The following RNGTT variants were observed in gnomAD, a reference collection of about 807,000 sequenced individuals.
The protein encoded by RNGTT is mRNA-capping enzyme.
In RNGTT, 33 loss-of-function variants were observed where a neutral mutation model predicts 79.3. The observed-to-expected ratio is 0.42, with a 90% confidence interval of 0.32 to 0.56. The LOEUF is 0.56. Among genes scored for constraint, RNGTT ranks in the 20% least tolerant of loss-of-function variants. RNGTT has a pLI of 0.17. For synonymous variants in RNGTT, 222 were observed against 235.9 expected (o/e 0.94, Z 0.54); for missense variants, 497 against 739.1 (o/e 0.67, Z 3.80).
rs550144192 is a variant in RNGTT at position 88,910,598 on chromosome 6, A to G, written c.368-4158T>C. 7.9e-5 allele frequency among the ~76,000 whole-genome samples: 12 copies of G among 152,360 alleles called. No homozygotes were observed. The South Asian group carries it at 2.5e-3, about 32-fold the overall frequency. On this transcript the variant is annotated intron_variant, in intron 4 of 15. Transcript: ENST00000369485. Reference sequence around the variant, plus strand: ...GAATATAATCCACAAAAATGTCTCCAAAGTTGCTAGACAGGTCAACATGCT... The same window carrying G: ...GAATATAATCCACAAAAATGTCTCCGAAGTTGCTAGACAGGTCAACATGCT...
chr6:88,952,650 C>A (rs1261041002), intron 1 of RNGTT, among the ~76,000 whole-genome samples: 1 of 152,182 alleles, frequency 6.6e-6, no homozygotes, highest in Non-Finnish European at 1.5e-5. Flanking sequence ...ACTAGCATAA[C>A]CAGCATTTGA....
chr6:88,910,585 C>T (rs891077307), intron 4 of RNGTT, among the ~76,000 whole-genome samples: 1 of 152,132 alleles, frequency 6.6e-6, no homozygotes, highest in Admixed American at 6.6e-5. Flanking sequence ...ATATAATCCA[C>T]AAAAATGTCT....
chr6:88,907,216 C>T (rs747220406), intron 4 of RNGTT, among the ~76,000 whole-genome samples: 1 of 152,210 alleles, frequency 6.6e-6, no homozygotes, highest in Non-Finnish European at 1.5e-5. Flanking sequence ...TCTGTGTCCC[C>T]GTCCAAATCT....
At chr6:88,677,671 C>T (rs1377596088) in intron 14 of RNGTT, among the ~76,000 whole-genome samples, 2 of 151,954 alleles carry the variant, frequency 1.3e-5, no homozygotes, top group East Asian at 3.9e-4. Flanking sequence ...CTATGTTGCC[C>T]AGGCTAGTCT....
chr6:88,778,670 TA>T (rs1778969043), intron 12 of RNGTT, among the ~76,000 whole-genome samples: 1 of 152,132 alleles, frequency 6.6e-6, no homozygotes, highest in African/African-American at 2.4e-5. Context: ...CAGATTTTTA[TA>T]AATTATTTAA....
At chr6:88,941,289 A>G in intron 1 of RNGTT, 109 bp from the exon 2 acceptor site, 1 of 709,242 alleles carries the variant, frequency 1.4e-6, no homozygotes, top group Non-Finnish European at 2.4e-6. Flanking sequence ...TTTTTTTGAG[A>G]CCAAGTGTCG....
chr6:88,833,017 C>T (rs1357423540), intron 11 of RNGTT, among the ~76,000 whole-genome samples: 5 of 152,106 alleles, frequency 3.3e-5, no homozygotes, highest in Non-Finnish European at 7.3e-5. Context: ...GACAGTGTGG[C>T]GATTCCTCAA....
chr6:88,721,425 T>A (rs1776707142), intron 13 of RNGTT, among the ~76,000 whole-genome samples: 1 of 150,542 alleles, frequency 6.6e-6, no homozygotes, highest in Non-Finnish European at 1.5e-5. Context: ...TTTTGTTTGT[T>A]TTTGGTCTTC....
chr6:88,795,753 C>A (rs1779581508), intron 12 of RNGTT, among the ~76,000 whole-genome samples: 1 of 151,918 alleles, frequency 6.6e-6, no homozygotes, highest in South Asian at 2.1e-4. Flanking sequence ...ACTCAAAGCA[C>A]AATTTTAAAA....
chr6:88,624,140 A>C (rs887806125), intron 14 of RNGTT, among the ~76,000 whole-genome samples: 5 of 151,980 alleles, frequency 3.3e-5, no homozygotes, highest in African/African-American at 7.2e-5. Flanking sequence ...ATGGATTGAA[A>C]GATTCAATAT....
intron 13 of RNGTT, among the ~76,000 whole-genome samples, chr6:88,718,881 G>C (rs141389967): frequency 6.4e-4 from 98 of 152,220 alleles, no homozygotes; most frequent in African/African-American, 1.3e-3. Context: ...AAAACCAGAT[G>C]TTTAGTTGAT....
At chr6:88,669,550 C>T (rs569460197) in intron 14 of RNGTT, among the ~76,000 whole-genome samples, 14 of 152,342 alleles carry the variant, frequency 9.2e-5, no homozygotes, top group African/African-American at 3.4e-4. Flanking sequence ...ACAAGAAGAA[C>T]AGTCACCTGG....
At chr6:88,959,811 C>T (rs1304349419) in intron 1 of RNGTT, among the ~76,000 whole-genome samples, 1 of 152,052 alleles carries the variant, frequency 6.6e-6, no homozygotes. Context: ...ATTAGGATAC[C>T]TTATCACACC....
intron 14 of RNGTT, among the ~76,000 whole-genome samples, chr6:88,616,958 A>G (rs6919542): frequency 0.03 from 4,575 of 152,310 alleles, 232 homozygotes; most frequent in African/African-American, 0.1. Flanking sequence ...ACAAGAAATC[A>G]TTGCCTAATC....
chr6:88,726,520 C>T (rs916430816), intron 13 of RNGTT, among the ~76,000 whole-genome samples: 1 of 151,920 alleles, frequency 6.6e-6, no homozygotes, highest in Non-Finnish European at 1.5e-5. Context: ...GGTTTCCTAA[C>T]ATGGGATCTA....
intron 6 of RNGTT, among the ~76,000 whole-genome samples, chr6:88,895,318 T>A (rs1300932847): frequency 1.3e-5 from 2 of 151,788 alleles, no homozygotes; most frequent in African/African-American, 4.8e-5. Flanking sequence ...CATATTTTCA[T>A]AATGAGGAAA....
chr6:88,773,221 C>T (rs1562245463), intron 12 of RNGTT, among the ~76,000 whole-genome samples: 2 of 148,912 alleles, frequency 1.3e-5, no homozygotes, highest in African/African-American at 2.5e-5. Context: ...ATCGCAAGAA[C>T]AAAAAAACAA....
At chr6:88,614,134 G>A (rs904409584) in intron 15 of RNGTT, 138 bp downstream of exon 15, 18 of 775,840 alleles carry the variant, frequency 2.3e-5, no homozygotes, top group Non-Finnish European at 3.1e-5. Flanking sequence ...CAGACTTGAC[G>A]TATCTTTCCC....
At chr6:88,733,829 A>AC (rs1407161184) in intron 13 of RNGTT, among the ~76,000 whole-genome samples, 1 of 151,972 alleles carries the variant, frequency 6.6e-6, no homozygotes, top group East Asian at 1.9e-4. Flanking sequence ...GGAAAAAAAA[A>AC]AACCCAACAA....
Sources: gnomAD v4.1 joint callset for allele counts (sites outside exome capture counted in the v4.1 genomes callset) on GRCh38, gnomAD v4.1.1 for gene constraint, MANE v1.5 for transcripts, NCBI Gene and HGNC (gene_info 2026-07-23, HGNC 2026-07-21) for gene names.